Variants in PLAAT3 observed in about 807,000 individuals in gnomAD.
PLAAT3 encodes the protein phospholipase A and acyltransferase 3.
A neutral mutation model predicts 16.7 loss-of-function variants in PLAAT3; 21 were observed. The observed-to-expected ratio is 1.26, with a 90% CI of 0.89 to 1.81. The LOEUF (loss-of-function observed/expected upper bound fraction) is 1.81, where lower values mean the gene tolerates loss of function less well. PLAAT3 is among the 40% of genes most tolerant of loss of function. PLAAT3 has a pLI of 0.00. For missense variants in PLAAT3, 219 were observed against 213.7 expected (o/e 1.02, Z -0.16); for synonymous variants, 76 against 81.7 (o/e 0.93, Z 0.38).
chr11:63,615,182 G>GTATATGTGTA (rs1565259832), upstream of PLAAT3, among the ~76,000 whole-genome samples: 18 of 27,148 alleles, frequency 6.6e-4, 2 homozygotes, highest in Middle Eastern at 0.053. Flanking sequence ...GTATATGTGT[G>GTATATGTGTA]TATATATATG....
chr11:63,599,957 G>T (rs1435348553), intron 2 of PLAAT3, among the ~76,000 whole-genome samples: 1 of 152,090 alleles, frequency 6.6e-6, no homozygotes, highest in East Asian at 1.9e-4. Flanking sequence ...ACCAATGAGA[G>T]GAGCCCTCAC....
intron 2 of PLAAT3, among the ~76,000 whole-genome samples, chr11:63,612,545 A>C (rs560999638): frequency 9.8e-5 from 15 of 152,378 alleles, no homozygotes; most frequent in African/African-American, 3.6e-4. Flanking sequence ...AACTGGGAGC[A>C]AAGATGGACT....
chr11:63,615,879 G>T (rs1339294009), upstream of PLAAT3, among the ~76,000 whole-genome samples: 4 of 151,610 alleles, frequency 2.6e-5, no homozygotes, highest in Non-Finnish European at 4.4e-5. Context: ...TGTTGACCAT[G>T]CTGGTCACGA....
At chr11:63,600,850 C>T (rs889004800) in intron 2 of PLAAT3, among the ~76,000 whole-genome samples, 9 of 151,192 alleles carry the variant, frequency 6.0e-5, no homozygotes, top group Non-Finnish European at 7.4e-5. Flanking sequence ...GTGATCCACC[C>T]GTCTCAGCCT....
intron 3 of PLAAT3, among the ~76,000 whole-genome samples, chr11:63,592,899 TG>T (rs1938188379): frequency 6.6e-6 from 1 of 152,194 alleles, no homozygotes; most frequent in Non-Finnish European, 1.5e-5. Flanking sequence ...CAGTCCTCCT[TG>T]CCTCATCTAT....
At chr11:63,578,597 AC>A (rs1212554231) in intron 4 of PLAAT3, among the ~76,000 whole-genome samples, 15 of 152,120 alleles carry the variant, frequency 9.9e-5, no homozygotes, top group African/African-American at 3.4e-4. Context: ...TCTTTGACAA[AC>A]CTGACAAAAA....
intron 3 of PLAAT3, 32 bp downstream of exon 3, chr11:63,598,029 C>G: frequency 7.2e-7 from 1 of 1,395,200 alleles, no homozygotes; most frequent in Non-Finnish European, 1.0e-6. Context: ...GCCCCTGGGG[C>G]CCATCACAGT....
chr11:63,603,847 T>C (rs1019050132), intron 2 of PLAAT3, among the ~76,000 whole-genome samples: 1 of 152,120 alleles, frequency 6.6e-6, no homozygotes, highest in Admixed American at 6.6e-5. Flanking sequence ...TATTATTCCA[T>C]TGTTGCTTAA....
At chr11:63,604,382 G>A (rs1938506723) in intron 2 of PLAAT3, among the ~76,000 whole-genome samples, 1 of 152,158 alleles carries the variant, frequency 6.6e-6, no homozygotes, top group East Asian at 1.9e-4. Context: ...TGATGGACTT[G>A]CAGTTTTTAA....
intron 4 of PLAAT3, among the ~76,000 whole-genome samples, chr11:63,584,099 T>C (rs1937896981): frequency 6.6e-6 from 1 of 152,122 alleles, no homozygotes; most frequent in African/African-American, 2.4e-5. Context: ...AAATAATAAA[T>C]CATTTAAAAA....
At chr11:63,582,204 G>A (rs370700453) in intron 4 of PLAAT3, among the ~76,000 whole-genome samples, 1 of 152,144 alleles carries the variant, frequency 6.6e-6, no homozygotes, top group African/African-American at 2.4e-5. Flanking sequence ...AGCAACTTCT[G>A]GAGGATGTGA....
At chr11:63,592,369 G>A (rs1441980834) in intron 3 of PLAAT3, among the ~76,000 whole-genome samples, 1 of 149,608 alleles carries the variant, frequency 6.7e-6, no homozygotes, top group Non-Finnish European at 1.5e-5. Flanking sequence ...GTTTCACCAT[G>A]TTGGCCAGGC....
rs539034925 is a variant in PLAAT3 at position 63,608,230 on chromosome 11, G to A, written c.15+5770C>T. Among the ~76,000 whole-genome samples, 97 of 152,278 alleles carry A rather than the reference G, an allele frequency of 6.4e-4. 1 individual carries two copies. Among genetic ancestry groups the A allele is most frequent in the African/African-American group, 2.3e-3 (95 of 41,566 alleles). On this transcript the variant is annotated intron_variant, in intron 2 of 4. Coordinates refer to ENST00000415826, the MANE Select transcript of PLAAT3 (RefSeq NM_001128203.2). Reference sequence around the variant, plus strand: ...AACAAAGTTCCCAGGTGATTCTACTGTGTAGCCTGGAGCAAGGCCACAGGA... The same window carrying A: ...AACAAAGTTCCCAGGTGATTCTACTATGTAGCCTGGAGCAAGGCCACAGGA...
intron 2 of PLAAT3, among the ~76,000 whole-genome samples, chr11:63,610,626 C>T (rs999181478): frequency 7.2e-5 from 11 of 152,194 alleles, no homozygotes; most frequent in Non-Finnish European, 1.6e-4. Context: ...CTCCCCTTTG[C>T]ACCTTAACTA....
intron 4 of PLAAT3, among the ~76,000 whole-genome samples, chr11:63,585,019 C>G (rs1013032243): frequency 6.6e-6 from 1 of 151,524 alleles, no homozygotes; most frequent in African/African-American, 2.4e-5. Flanking sequence ...ATGGGGCATG[C>G]ATCGAAGTTC....
chr11:63,615,290 A>ATATATATGTGTG (rs869149053), upstream of PLAAT3, among the ~76,000 whole-genome samples: 23 of 21,668 alleles, frequency 1.1e-3, 1 homozygote, highest in African/African-American at 2.0e-3. Flanking sequence ...ATATATGTGT[A>ATATATATGTGTG]TATATATGTG....
intron 3 of PLAAT3, among the ~76,000 whole-genome samples, chr11:63,591,377 G>T (rs2134409307): frequency 6.6e-6 from 1 of 152,216 alleles, no homozygotes; most frequent in Middle Eastern, 3.4e-3. Flanking sequence ...GTGAGATCTT[G>T]CCTTAGGAAA....
At position 63,590,159 on chromosome 11, in the gene PLAAT3, T is replaced by C. The variant is rs1370507141; in HGVS notation, c.328A>G (p.Ser110Gly). ...TTCACAAAGTGCTCGCAGTTCTCAC[T>C]GGTCAGCTTGTAGAGCACCTCCTGC... Reference protein sequence around the residue: ...VGQEVLYKLTSENCEHFVNEL... With the variant: ...VGQEVLYKLTGENCEHFVNEL... The change falls in exon 4 of 5, where the codon AGT (serine) becomes GGT (glycine). Residue 110 changes from serine to glycine, a missense_variant. Ser to Gly is a moderately conservative substitution (Grantham distance 56). Coordinates refer to ENST00000415826, the MANE Select transcript of PLAAT3 (RefSeq NM_001128203.2). 2.5e-5 allele frequency: 41 copies of C among 1,614,094 alleles called. No homozygotes were observed. The highest frequency in any genetic ancestry group is 3.3e-5 in the Non-Finnish European group (39 of 1,180,020).
intron 4 of PLAAT3, among the ~76,000 whole-genome samples, chr11:63,578,976 G>C (rs1252790948): frequency 6.6e-6 from 1 of 152,114 alleles, no homozygotes. Flanking sequence ...CTACTCATCT[G>C]ACAAAGGGCT....
Sources: gnomAD v4.1 joint callset for allele counts (sites outside exome capture counted in the v4.1 genomes callset) on GRCh38, gnomAD v4.1.1 for gene constraint, MANE v1.5 for transcripts, NCBI Gene and HGNC (gene_info 2026-07-23, HGNC 2026-07-21) for gene names.